The following KCTD18 variants were observed in gnomAD, a reference collection of about 807,000 sequenced individuals.
KCTD18 encodes BTB/POZ domain-containing protein KCTD18.
In KCTD18, 22 loss-of-function variants were observed where a neutral mutation model predicts 30.4. That is an observed-to-expected ratio of 0.72 (90% CI 0.52 to 1.03). The LOEUF (loss-of-function observed/expected upper bound fraction) is 1.03, where lower values mean the gene tolerates loss of function less well. Ranked by LOEUF, KCTD18 falls within the 50% of genes least tolerant of loss-of-function variation. KCTD18 has a pLI of 0.00. For synonymous variants in KCTD18, 186 were observed against 209.0 expected, an observed-to-expected ratio of 0.89 and a Z score of 0.95; for missense variants, 529 against 547.6, an observed-to-expected ratio of 0.97 and a Z score of 0.34.
chr2:200,490,382 GGCC>G lies in KCTD18; in HGVS notation c.996_998del (p.Ala333del). The G allele has an allele frequency of 6.2e-7, 1 of 1,614,202 alleles. No individual in the cohort carries two copies. Among genetic ancestry groups the G allele is most frequent in the Non-Finnish European group, 8.5e-7 (1 of 1,180,034 alleles). ...GCCCAGGTGCCCCCGTGCCCACCAG[GGCC>G]GTGGCTCTGGAAGGTGCAGAGCGCT... On this transcript the variant is annotated inframe_deletion, in exon 7 of 7. Transcript: ENST00000359878.
At chr2:200,494,105 C>T (rs1040642217) in intron 5 of KCTD18, among the ~76,000 whole-genome samples, 1 of 152,166 alleles carries the variant, frequency 6.6e-6, no homozygotes, top group Non-Finnish European at 1.5e-5. Flanking sequence ...GTGAAAAACA[C>T]CAAACACAAT....
intron 1 of KCTD18, 46 bp downstream of exon 1, chr2:200,509,582 C>T (rs576663570): frequency 6.6e-6 from 1 of 152,522 alleles, no homozygotes; most frequent in South Asian, 2.1e-4. Flanking sequence ...TGGAAAGTGT[C>T]CAGCCCTCGG....
At chr2:200,504,989 T>C (rs777116446) in intron 2 of KCTD18, 30 bp from the exon 3 acceptor site, 7 of 1,550,780 alleles carry the variant, frequency 4.5e-6, no homozygotes, top group South Asian at 2.3e-5. Context: ...AAAATGATTA[T>C]AGAGATTCTG....
intron 2 of KCTD18, among the ~76,000 whole-genome samples, chr2:200,506,429 G>A (rs996119605): frequency 2.6e-5 from 4 of 152,176 alleles, no homozygotes; most frequent in South Asian, 2.1e-4. Flanking sequence ...GCTAGGTGGC[G>A]AGCCCAACAC....
At chr2:200,501,446 A>C (rs1171519416) in intron 3 of KCTD18, among the ~76,000 whole-genome samples, 7 of 139,800 alleles carry the variant, frequency 5.0e-5, no homozygotes, top group Admixed American at 1.5e-4. Flanking sequence ...ACAAGAAAAA[A>C]ACAAACAACC....
At chr2:200,502,626 C>T (rs909657547) in intron 3 of KCTD18, among the ~76,000 whole-genome samples, 3 of 152,214 alleles carry the variant, frequency 2.0e-5, no homozygotes, top group Admixed American at 1.3e-4. Flanking sequence ...TGAGCTCTAA[C>T]GTCCTGCAGA....
rs752731947 is a variant in KCTD18, at chr2:200,506,855, A to G, written c.160+2T>C. The G allele has an allele frequency of 6.2e-7, 1 of 1,613,212 alleles. No individual in the cohort carries two copies. The highest frequency in any genetic ancestry group is 1.1e-5 in the South Asian group (1 of 90,950). ...TCATGCTTTCAGACTTTAGACATTT[A>G]CCTGACTCATCTGTTTTTAGAGGAA... On this transcript the variant is annotated splice_donor_variant, in intron 2 of 6. Coordinates refer to ENST00000359878, the MANE Select transcript of KCTD18 (RefSeq NM_152387.4). LOFTEE classifies it high-confidence loss of function.
At chr2:200,500,547 T>G (rs2088068437) in intron 3 of KCTD18, among the ~76,000 whole-genome samples, 3 of 149,840 alleles carry the variant, frequency 2.0e-5, no homozygotes, top group African/African-American at 7.4e-5. Context: ...TCAAAGAGAA[T>G]AAAATACCTA....
In KCTD18 at chr2:200,504,846, C is replaced by A; in HGVS notation, c.274G>T (p.Ala92Ser). The change falls in exon 3 of 7, where the codon GCT becomes TCT. Residue 92 changes from alanine (A) to serine (S), a missense_variant. By Grantham distance (99) the Ala-to-Ser change is moderately conservative (BLOSUM62 1). Transcript: ENST00000359878. ...GGATAAGGGATGCCAAAGTAATCAG[C>A]CTCTTCCTGTAGGGCGATGCGGGTT... ...EQTRIALQEE[A>S]DYFGIPYPYS... 1 of 1,614,150 alleles carries A rather than the reference C, an allele frequency of 6.2e-7. No homozygotes were observed. The highest frequency in any genetic ancestry group is 1.1e-5 in the South Asian group (1 of 91,084).
chr2:200,490,034 T>G lies in KCTD18; in HGVS notation c.*66A>C, dbSNP rs574124329. 54 of 1,478,458 alleles carry G rather than the reference T, an allele frequency of 3.7e-5. No homozygotes were observed. The South Asian group carries it at 6.5e-4, about 18-fold the overall frequency. 91.6% of individuals were successfully genotyped at this position (1,478,458 alleles called of 1,614,324 possible). ...CTCTGCTGCATTAAGAAAGTGTCAC[T>G]TCTTTGCGTCGAATGGGTTGAAAGC... On this transcript the variant is annotated 3_prime_UTR_variant, in exon 7 of 7. Coordinates refer to ENST00000359878, the MANE Select transcript of KCTD18 (RefSeq NM_152387.4).
intron 5 of KCTD18, 98 bp downstream of exon 5, chr2:200,497,650 CAAAAG>C (rs2088015808): frequency 4.9e-6 from 4 of 820,628 alleles, no homozygotes; most frequent in South Asian, 4.3e-5. Flanking sequence ...TTGTAAGACT[CAAAAG>C]AATACTTTCT....
chr2:200,492,160 G>C (rs561162310), intron 6 of KCTD18, among the ~76,000 whole-genome samples: 1 of 152,246 alleles, frequency 6.6e-6, no homozygotes, highest in South Asian at 2.1e-4. Flanking sequence ...ACTCCACACT[G>C]AGGTTTCTCA....
rs569262259 is a variant in KCTD18 at position 200,490,310 on chromosome 2, C to T, written c.1071G>A (p.Thr357=). The T allele has an allele frequency of 2.5e-6, 4 of 1,614,250 alleles. No individual in the cohort carries two copies. Among genetic ancestry groups the T allele is most frequent in the Admixed American group, 3.3e-5 (2 of 60,032 alleles). The change falls in exon 7 of 7, where the codon ACG becomes ACA. Residue 357 remains threonine, a synonymous_variant. Transcript: ENST00000359878. ...GTAGCACCTTAGCTGGAGGTAAGTG[C>T]GTGCCTCCATTTTCAGCGCTCGCAG... ...PGAASAENGG[T]HLPPAKVLLS... is the part of the protein sequence containing the mutation.
intron 1 of KCTD18, among the ~76,000 whole-genome samples, chr2:200,508,215 G>C (rs1202810061): frequency 2.0e-5 from 3 of 152,178 alleles, no homozygotes; most frequent in Non-Finnish European, 4.4e-5. Flanking sequence ...TCAGCCTCCT[G>C]AGTAGCTGGG....
chr2:200,490,943 A>G (rs565257197), intron 6 of KCTD18, among the ~76,000 whole-genome samples: 1 of 152,342 alleles, frequency 6.6e-6, no homozygotes, highest in Non-Finnish European at 1.5e-5. Context: ...ATAACCAGAA[A>G]TATCACAAAT....
At chr2:200,507,800 A>G (rs1358070691) in intron 1 of KCTD18, among the ~76,000 whole-genome samples, 2 of 152,246 alleles carry the variant, frequency 1.3e-5, no homozygotes, top group Non-Finnish European at 2.9e-5. Flanking sequence ...TAAGGAATAT[A>G]TAATTTATCA....
In KCTD18 at chr2:200,490,461, G is replaced by GT; in HGVS notation, c.919_920insA (p.Ala307AspfsTer12). On this transcript the variant is annotated frameshift_variant, in exon 7 of 7. Transcript: ENST00000359878. LOFTEE classifies it low-confidence loss of function (END_TRUNC). ...TTGAAACCGGTTTGCTGTCGCCCCA[G>GT]CCGACGTCTGGATGGCACTGGCTGG... 1.2e-6 allele frequency: 2 copies of GT among 1,613,634 alleles called. 1 individual carries two copies. The highest frequency in any genetic ancestry group is 2.2e-5 in the South Asian group (2 of 91,082).
intron 2 of KCTD18, among the ~76,000 whole-genome samples, chr2:200,506,414 G>A (rs959070619): frequency 6.6e-6 from 1 of 152,208 alleles, no homozygotes; most frequent in Admixed American, 6.5e-5. Flanking sequence ...AGACTACACA[G>A]CTAGGCTAGG....
In KCTD18 at chr2:200,490,159, C is replaced by G; in HGVS notation, c.1222G>C (p.Gly408Arg). ...ACTCCCAAGGCACGGGCAGCTTCGC[C>G]GGGAAGCGGCTTGAGGGAGTTGGCC... ...RQANSLKPLP[G>R]EAARALGVRT... Residue 408 changes from glycine to arginine, a missense_variant, in exon 7 of 7, where the codon GGC (glycine) becomes CGC (arginine). Physicochemically the swap from Gly to Arg is moderately radical, Grantham distance 125. Transcript: ENST00000359878. 1.2e-6 allele frequency: 2 copies of G among 1,608,794 alleles called. No homozygotes were observed. The highest frequency in any genetic ancestry group is 3.3e-5 in the Admixed American group (2 of 59,904).
Sources: allele counts gnomAD v4.1 joint callset (sites outside exome capture counted in the v4.1 genomes callset), GRCh38; gene constraint gnomAD v4.1.1; transcripts MANE v1.5; gene names NCBI Gene and HGNC (gene_info 2026-07-23, HGNC 2026-07-21).